The following MAN2A2 variants were observed in gnomAD, a reference collection of about 807,000 sequenced individuals.
MAN2A2 encodes alpha-mannosidase 2x.
A neutral mutation model predicts 126.8 loss-of-function variants in MAN2A2; 79 were observed. That is an observed-to-expected ratio of 0.62 (90% confidence interval 0.52 to 0.75). The LOEUF is 0.75. Among genes scored for constraint, MAN2A2 ranks in the 30% least tolerant of loss-of-function variants. The probability of loss-of-function intolerance (pLI) is 0.00; values close to 1 mark genes in which losing one functional copy is unlikely to be tolerated. For missense variants in MAN2A2, 1,392 were observed against 1,522.4 expected, an observed-to-expected ratio of 0.91 and a Z score of 1.43; for synonymous variants, 671 against 618.7, an observed-to-expected ratio of 1.08 and a Z score of -1.25.
chr15:90,912,363 C>T lies in MAN2A2; in HGVS notation c.2346+84C>T, dbSNP rs2034823498. 5 of 1,569,174 alleles carry T rather than the reference C, an allele frequency of 3.2e-6. No individual in the cohort carries two copies. The Admixed American group carries it at 8.4e-5, about 26-fold the overall frequency. ...GGCACTGTGCAGAGCGGCCTCCCGG[C>T]CCTGTGAGCATTCTGCCACCTGACC... On this transcript the variant is annotated intron_variant, in intron 15 of 22. Coordinates refer to ENST00000559717, the MANE Select transcript of MAN2A2 (RefSeq NM_006122.4).
At chr15:90,902,567 G>C (rs1456702200), upstream of MAN2A2, 1 of 152,174 alleles carries the variant, frequency 6.6e-6, no homozygotes, top group African/African-American at 2.4e-5. Flanking sequence ...CCCTCCTGAG[G>C]TTCCGCAGCT....
At chr15:90,902,612 C>T (rs1021756720), upstream of MAN2A2, 4 of 152,236 alleles carry the variant, frequency 2.6e-5, no homozygotes, top group South Asian at 2.1e-4. Context: ...CGGCTGCGCA[C>T]TGCAGCCCAG....
At chr15:90,907,910 C>T (rs2034428976) in intron 8 of MAN2A2, among the ~76,000 whole-genome samples, 1 of 152,190 alleles carries the variant, frequency 6.6e-6, no homozygotes. Flanking sequence ...AGACCTGTCC[C>T]TTTTGAGAGA....
intron 20 of MAN2A2, 22 bp downstream of exon 20, chr15:90,916,278 C>T: frequency 2.5e-6 from 4 of 1,610,084 alleles, no homozygotes; most frequent in Non-Finnish European, 3.4e-6. Context: ...GGCTGACGCC[C>T]AGGGAGCCAG....
Position 90,919,658 on chromosome 15 carries a change from T to C in MAN2A2, c.3324T>C (p.His1108=). The part of the protein sequence containing the change: ...QGKVALGSLF[H]GLDVVFLQPT... ...AGGTAGCCCTGGGCAGCCTTTTCCA[T>C]GGCCTGGATGTGGTATTCCTTCAGC... The change falls in exon 23 of 23, where the codon CAT becomes CAC. Residue 1108 remains histidine, a synonymous_variant. Coordinates refer to ENST00000559717, the MANE Select transcript of MAN2A2 (RefSeq NM_006122.4). The C allele has an allele frequency of 6.2e-7, 1 of 1,614,206 alleles. No individual in the cohort carries two copies. Among genetic ancestry groups the C allele is most frequent in the Non-Finnish European group, 8.5e-7 (1 of 1,180,022 alleles).
In MAN2A2 at chr15:90,905,269, C is replaced by T; in HGVS notation, c.151C>T (p.Gln51Ter). 2 of 1,613,046 alleles carry T rather than the reference C, an allele frequency of 1.2e-6. No individual in the cohort carries two copies. Among genetic ancestry groups the T allele is most frequent in the Non-Finnish European group, 1.7e-6 (2 of 1,180,006 alleles). Residue 51 changes from glutamine (Q) to a stop codon, truncating the protein, a stop_gained, in exon 3 of 23, where the codon CAG (glutamine) becomes TAG (stop). Transcript: ENST00000559717. LOFTEE classifies it high-confidence loss of function. ...TTGGCAGAGCCAAATTTCTGTGCTG[C>T]AGAACCGCATTGAGCAGCTGGAGCA... ...NFPRSQISVLQNRIEQLEQLL... is the reference protein window; with the variant it reads ...NFPRSQISVL
intron 8 of MAN2A2, among the ~76,000 whole-genome samples, chr15:90,907,969 G>A (rs116608444): frequency 1.2e-3 from 183 of 152,330 alleles, no homozygotes; most frequent in African/African-American, 4.3e-3. Context: ...AGGCCCCGGG[G>A]GAAAGTGTTA....
At chr15:90,909,605 C>CTTT (rs147151470) in intron 9 of MAN2A2, 101 bp downstream of exon 9, 617 of 848,192 alleles carry the variant, frequency 7.3e-4, no homozygotes, top group East Asian at 2.8e-3. Flanking sequence ...GGGTGCCCCC[C>CTTT]TTTTTTTTTT....
Position 90,916,186 on chromosome 15 carries a change from G to A in MAN2A2, c.2924G>A (p.Gly975Glu). Residue 975 changes from glycine to glutamate, a missense_variant, in exon 20 of 23, where the codon GGG becomes GAG. Transcript: ENST00000559717. ...GATGACAACCGGGGCCTAGGCCAAG[G>A]GCTCAAGGACAACAAGAGAACCTGC... The part of the protein sequence containing the change: ...MQDDNRGLGQ[G>E]LKDNKRTCNR... 6.2e-7 allele frequency: 1 copy of A among 1,614,174 alleles called. No homozygotes were observed. Among genetic ancestry groups the A allele is most frequent in the Non-Finnish European group, 8.5e-7 (1 of 1,180,046 alleles).
chr15:90,912,410 C>T, intron 15 of MAN2A2, 131 bp downstream of exon 15: 1 of 1,569,372 alleles, frequency 6.4e-7, no homozygotes, highest in Non-Finnish European at 8.7e-7. Flanking sequence ...GGGGCCTGGG[C>T]CATCTCAGCT....
At position 90,916,149 on chromosome 15, in the gene MAN2A2, C is replaced by T. The variant is rs752925744; in HGVS notation, c.2887C>T (p.Arg963Trp). 9.3e-6 allele frequency: 15 copies of T among 1,614,016 alleles called. No individual in the cohort carries two copies. Among genetic ancestry groups the T allele is most frequent in the East Asian group, 2.2e-5 (1 of 44,870 alleles). ...CCAGCTGGAGGTGATCTTGGACCGG[C>T]GGCTGATGCAGGATGACAACCGGGG... ...DGQLEVILDRRLMQDDNRGLG... is the reference protein window; with the variant it reads ...DGQLEVILDRWLMQDDNRGLG... Residue 963 changes from arginine (R) to tryptophan (W), a missense_variant, in exon 20 of 23, where the codon CGG becomes TGG. Coordinates refer to ENST00000559717, the MANE Select transcript of MAN2A2 (RefSeq NM_006122.4).
At chr15:90,910,000 G>C in intron 9 of MAN2A2, 90 bp from the exon 10 acceptor site, 1 of 1,147,648 alleles carries the variant, frequency 8.7e-7, no homozygotes, top group South Asian at 1.5e-5. Context: ...TGAGGCCAGA[G>C]CCCCTGCCTC....
Position 90,920,394 on chromosome 15 carries a change from G to A in MAN2A2, c.*607G>A, listed in dbSNP as rs1206480082. The A allele has an allele frequency of 2.6e-5, 4 of 152,636 alleles. No homozygotes were observed. Among genetic ancestry groups the A allele is most frequent in the Non-Finnish European group, 4.4e-5 (3 of 68,372 alleles). The allele number at this position is 152,636 out of a possible 1,614,324, so 9.5% of individuals were successfully genotyped here. A position where few individuals can be genotyped will look rare whatever the true frequency, so the allele number is the denominator to read the frequency against. ...GATGGCTTTGCAGTAAGTGCCGCCT[G>A]GCCTGCATGCATTGGCTAACAGGCT... On this transcript the variant is annotated 3_prime_UTR_variant, in exon 23 of 23. Transcript: ENST00000559717.
intron 5 of MAN2A2, 86 bp downstream of exon 5, chr15:90,906,102 A>T (rs925587295): frequency 1.9e-6 from 3 of 1,568,558 alleles, no homozygotes; most frequent in Admixed American, 1.7e-5. Flanking sequence ...ATGGGTGCCA[A>T]GGTGGCAGGG....
Position 90,910,270 on chromosome 15 carries a change from C to T in MAN2A2, c.1555C>T (p.Arg519Ter), listed in dbSNP as rs769184242. 3.7e-6 allele frequency: 6 copies of T among 1,614,110 alleles called. No homozygotes were observed. The highest frequency in any genetic ancestry group is 4.2e-6 in the Non-Finnish European group (5 of 1,180,008). Residue 519 changes from arginine to a stop codon, truncating the protein, a stop_gained, in exon 10 of 23, where the codon CGA (arginine) becomes TGA (stop). Coordinates refer to ENST00000559717, the MANE Select transcript of MAN2A2 (RefSeq NM_006122.4). LOFTEE classifies it high-confidence loss of function. ...TSRPFYKSLD[R>*]VLEAHLRGAE... ...CCGGCCCTTCTACAAGAGCTTAGACCGAGTCCTGGAAGCCCACCTGCGGTG... is the reference window on the plus strand; with the variant it reads ...CCGGCCCTTCTACAAGAGCTTAGACTGAGTCCTGGAAGCCCACCTGCGGTG...
intron 22 of MAN2A2, among the ~76,000 whole-genome samples, chr15:90,919,176 A>G (rs1266483): frequency 0.53 from 80,080 of 152,132 alleles, 23,906 homozygotes; most frequent in East Asian, 0.96. Flanking sequence ...GTTCTTACCC[A>G]GAGATCTGTA....
Position 90,904,341 on chromosome 15 carries a change from T to G in MAN2A2, c.132+2T>G. On this transcript the variant is annotated splice_donor_variant, in intron 2 of 22. Coordinates refer to ENST00000559717, the MANE Select transcript of MAN2A2 (RefSeq NM_006122.4). LOFTEE classifies it high-confidence loss of function. ...CAGAATGGTGGGAACTTCCCCCGGGTGAGTCGTGCCTGGTTGCTAATTTCT... is the reference window on the plus strand; with the variant it reads ...CAGAATGGTGGGAACTTCCCCCGGGGGAGTCGTGCCTGGTTGCTAATTTCT... The G allele has an allele frequency of 6.2e-7, 1 of 1,613,152 alleles. No homozygotes were observed. The highest frequency in any genetic ancestry group is 8.5e-7 in the Non-Finnish European group (1 of 1,179,270).
At chr15:90,918,510 C>T in intron 21 of MAN2A2, 122 bp downstream of exon 21, 1 of 1,301,686 alleles carries the variant, frequency 7.7e-7, no homozygotes, top group Non-Finnish European at 1.1e-6. Context: ...GGCTCCAAAC[C>T]TCCAGGACCA....
rs779910190 is a variant in MAN2A2 at position 90,913,317 on chromosome 15, C to T, written c.2629C>T (p.Arg877Trp). Residue 877 changes from arginine (R) to tryptophan (W), a missense_variant, in exon 18 of 23, where the codon CGG (arginine) becomes TGG (tryptophan). Coordinates refer to ENST00000559717, the MANE Select transcript of MAN2A2 (RefSeq NM_006122.4). ...SLDISSLVDI[R>W]DYVNKELALH... ...GGACATATCATCCCTGGTGGACATC[C>T]GGGACTACGTCAACAAGGAGCTGGC... is the stretch of plus-strand genomic sequence containing the variant. 1.7e-5 allele frequency: 28 copies of T among 1,613,758 alleles called. No homozygotes were observed. The highest frequency in any genetic ancestry group is 4.5e-5 in the East Asian group (2 of 44,894).
Sources: gnomAD v4.1 joint callset for allele counts (sites outside exome capture counted in the v4.1 genomes callset) on GRCh38, gnomAD v4.1.1 for gene constraint, MANE v1.5 for transcripts, NCBI Gene and HGNC (gene_info 2026-07-23, HGNC 2026-07-21) for gene names.